CTSD: variants seen among roughly 807,000 people sequenced by gnomAD.
CTSD encodes the protein ceroid-lipofuscinosis, neuronal 10.
A neutral mutation model predicts 43.6 loss-of-function variants in CTSD; 28 were observed. The observed-to-expected ratio is 0.64, with a 90% CI of 0.48 to 0.88. The LOEUF (loss-of-function observed/expected upper bound fraction) is 0.88. CTSD is among the 40% of genes least tolerant of loss of function. The pLI, the probability that CTSD is intolerant of heterozygous loss-of-function variation, is 0.00. For missense variants in CTSD, 485 were observed against 555.2 expected (o/e 0.87, Z 1.27); for synonymous variants, 270 against 249.8 (o/e 1.08, Z -0.76).
rs1235200395 is a variant in CTSD at position 1,763,894 on chromosome 11, G to A, written c.-35C>T. On this transcript the variant is annotated 5_prime_UTR_variant, in exon 1 of 9. Transcript: ENST00000236671. Reference sequence around the variant, plus strand: ...GGCCGGGTCGGAGAGGGTCGCCGAGGCCGTGCGCTTATAGCCGGGATGACG... The same window carrying A: ...GGCCGGGTCGGAGAGGGTCGCCGAGACCGTGCGCTTATAGCCGGGATGACG... The A allele has an allele frequency of 6.6e-7, 1 of 1,510,000 alleles. No homozygotes were observed. Among genetic ancestry groups the A allele is most frequent in the Admixed American group, 2.0e-5 (1 of 49,300 alleles). 93.5% of individuals were successfully genotyped at this position (1,510,000 alleles called of 1,614,324 possible). A position where few individuals can be genotyped will look rare whatever the true frequency, so the allele number is the denominator to read the frequency against.
Position 1,754,130 on chromosome 11 carries a change from A to G in CTSD, c.836T>C (p.Val279Ala). The change falls in exon 7 of 9, where the codon GTG (valine) becomes GCG (alanine). Residue 279 changes from valine to alanine, a missense_variant. Transcript: ENST00000236671. ...CTTGCACAGGGTCAGCCCGCTGGCCACCTCCACCCTGCGGGGAGTCAGGGC... is the reference window on the plus strand; with the variant it reads ...CTTGCACAGGGTCAGCCCGCTGGCCGCCTCCACCCTGCGGGGAGTCAGGGC... The part of the protein sequence containing the change: ...YWQVHLDQVE[V>A]ASGLTLCKEG... 6.2e-7 allele frequency: 1 copy of G among 1,608,826 alleles called. No homozygotes were observed. Among genetic ancestry groups the G allele is most frequent in the Admixed American group, 1.7e-5 (1 of 59,928 alleles).
intron 1 of CTSD, chr11:1,763,551 T>C (rs1335790856): frequency 2.0e-6 from 1 of 503,876 alleles, no homozygotes; most frequent in Non-Finnish European, 3.5e-6. Flanking sequence ...CAACCCAGGG[T>C]GGCATATGGG....
chr11:1,762,788 C>A (rs1845897968), intron 1 of CTSD, among the ~76,000 whole-genome samples: 1 of 152,192 alleles, frequency 6.6e-6, no homozygotes, highest in African/African-American at 2.4e-5. Context: ...CAGGCTCAGG[C>A]TTGTGGCTAC....
chr11:1,756,458 G>T (rs1040996044), intron 5 of CTSD, among the ~76,000 whole-genome samples: 1 of 152,212 alleles, frequency 6.6e-6, no homozygotes, highest in African/African-American at 2.4e-5. Context: ...AGCGATCCAA[G>T]GTTAGGGGTC....
chr11:1,758,530 G>T (rs1845836382), intron 4 of CTSD, among the ~76,000 whole-genome samples: 1 of 152,002 alleles, frequency 6.6e-6, no homozygotes. Flanking sequence ...GCCCTCCCAG[G>T]CTCCTGCCGG....
chr11:1,754,490 A>AGAGGGATGTGGGGATGGAGGGATG (rs1845776615), intron 6 of CTSD, among the ~76,000 whole-genome samples: 3 of 34,406 alleles, frequency 8.7e-5, no homozygotes, highest in East Asian at 1.9e-3. Flanking sequence ...GGAGAGTCAC[A>AGAGGGATGTGGGGATGGAGGGATG]GAGGGATGTG....
Position 1,755,011 on chromosome 11 carries a change from G to C in CTSD, c.722C>G (p.Pro241Arg). The change falls in exon 6 of 9, where the codon CCT becomes CGT. Residue 241 changes from proline to arginine, a missense_variant. Coordinates refer to ENST00000236671, the MANE Select transcript of CTSD (RefSeq NM_001909.5). ...GCCACCCAGCATCAGCTCACCCCCAGGCTGCGCATCTGGGTCCCTAGGAGG... is the reference window on the plus strand; with the variant it reads ...GCCACCCAGCATCAGCTCACCCCCACGCTGCGCATCTGGGTCCCTAGGAGG... ...FYLSRDPDAQPGGELMLGGTD... is the reference protein window; with the variant it reads ...FYLSRDPDAQRGGELMLGGTD... The C allele has an allele frequency of 6.2e-7, 1 of 1,613,902 alleles. No homozygotes were observed.
At chr11:1,760,121 C>A (rs1198341626) in intron 2 of CTSD, among the ~76,000 whole-genome samples, 1 of 152,186 alleles carries the variant, frequency 6.6e-6, no homozygotes, top group African/African-American at 2.4e-5. Flanking sequence ...CCTGCCCTGC[C>A]CTCCAGGGTG....
chr11:1,761,810 C>G, intron 1 of CTSD: 1 of 409,880 alleles, frequency 2.4e-6, no homozygotes, highest in South Asian at 2.1e-5. Flanking sequence ...CGTCCTCCCT[C>G]TGCACCTGCG....
intron 1 of CTSD, among the ~76,000 whole-genome samples, chr11:1,763,320 C>A (rs1161696493): frequency 6.6e-6 from 1 of 152,184 alleles, no homozygotes; most frequent in East Asian, 1.9e-4. Context: ...GTGATAAGAG[C>A]CGCTGGAGCA....
chr11:1,761,238 G>C (rs1420534016), intron 2 of CTSD, 71 bp downstream of exon 2: 1 of 1,561,826 alleles, frequency 6.4e-7, no homozygotes, highest in Non-Finnish European at 8.8e-7. Context: ...AGGTGGGAAT[G>C]TTCCCCATAC....
rs2133661989 is a variant in CTSD at position 1,757,412 on chromosome 11, T to C, written c.616A>G (p.Ile206Val). ...ACGGGCAGCACGTTGTTGACGGAGATGCGGGGGTAGGCCATGCCCAGGATG... is the reference window on the plus strand; with the variant it reads ...ACGGGCAGCACGTTGTTGACGGAGACGCGGGGGTAGGCCATGCCCAGGATG... ...DGILGMAYPR[I>V]SVNNVLPVFD... Residue 206 changes from isoleucine to valine, a missense_variant, in exon 5 of 9, where the codon ATC (isoleucine) becomes GTC (valine). Physicochemically the swap from Ile to Val is conservative, Grantham distance 29 (BLOSUM62 3). Coordinates refer to ENST00000236671, the MANE Select transcript of CTSD (RefSeq NM_001909.5). 6.2e-7 allele frequency: 1 copy of C among 1,614,136 alleles called. No homozygotes were observed. Among genetic ancestry groups the C allele is most frequent in the South Asian group, 1.1e-5 (1 of 91,086 alleles).
Position 1,754,049 on chromosome 11 carries a change from T to C in CTSD, c.917A>G (p.Asp306Gly), listed in dbSNP as rs1410064126. 1 of 1,586,560 alleles carries C rather than the reference T, an allele frequency of 6.3e-7. No homozygotes were observed. Among genetic ancestry groups the C allele is most frequent in the Non-Finnish European group, 8.6e-7 (1 of 1,165,170 alleles). The change falls in exon 7 of 9, where the codon GAT becomes GGT. Residue 306 changes from aspartate (D) to glycine (G), a missense_variant. Coordinates refer to ENST00000236671, the MANE Select transcript of CTSD (RefSeq NM_001909.5). ...TGTSLMVGPVDEVRELQKAIG... is the reference protein window; with the variant it reads ...TGTSLMVGPVGEVRELQKAIG... Reference sequence around the variant, plus strand: ...GGCCTTCTGCAGCTCGCGCACCTCATCCACCGGGCCCACCATGAGGGAAGT... The same window carrying C: ...GGCCTTCTGCAGCTCGCGCACCTCACCCACCGGGCCCACCATGAGGGAAGT...
chr11:1,758,329 G>A (rs531611953), intron 4 of CTSD, among the ~76,000 whole-genome samples: 5 of 152,194 alleles, frequency 3.3e-5, no homozygotes, highest in African/African-American at 9.6e-5. Flanking sequence ...TCACCATCCC[G>A]TAACTCCTGA....
rs920330113 is a variant in CTSD at position 1,758,845 on chromosome 11, G to A, written c.471+124C>T. On this transcript the variant is annotated intron_variant, in intron 4 of 8. Coordinates refer to ENST00000236671, the MANE Select transcript of CTSD (RefSeq NM_001909.5). ...CCCTCCTCACCCTGCTGACTGCCCC[G>A]GCCACCTGAGGGCTGGGGTTGGGCT... 3.8e-5 allele frequency: 30 copies of A among 793,270 alleles called. No individual in the cohort carries two copies. The Middle Eastern group carries it at 7.1e-4, about 19-fold the overall frequency. 49.1% of individuals were successfully genotyped at this position (793,270 alleles called of 1,614,324 possible). A position where few individuals can be genotyped will look rare whatever the true frequency, so the allele number is the denominator to read the frequency against.
At position 1,757,447 on chromosome 11, in the gene CTSD, T is replaced by C. The variant is rs948059177; in HGVS notation, c.581A>G (p.Lys194Arg). The change falls in exon 5 of 9, where the codon AAG (lysine) becomes AGG (arginine). Residue 194 changes from lysine to arginine, a missense_variant. By Grantham distance (26) the Lys-to-Arg change is conservative (BLOSUM62 2). Transcript: ENST00000236671. ...KQPGITFIAA[K>R]FDGILGMAYP... ...GGCCATGCCCAGGATGCCATCGAAC[T>C]TGGCTGCGATGAAGGTGATGCCTGG... 5 of 1,613,998 alleles carry C rather than the reference T, an allele frequency of 3.1e-6. No individual in the cohort carries two copies. Among genetic ancestry groups the C allele is most frequent in the South Asian group, 2.2e-5 (2 of 91,082 alleles).
In CTSD at chr11:1,757,442, C is replaced by T. The variant is rs1388675826; in HGVS notation, c.586G>A (p.Asp196Asn). 4.3e-6 allele frequency: 7 copies of T among 1,614,126 alleles called. No individual in the cohort carries two copies. Among genetic ancestry groups the T allele is most frequent in the East Asian group, 4.5e-5 (2 of 44,866 alleles). Residue 196 changes from aspartate to asparagine, a missense_variant, in exon 5 of 9, where the codon GAT becomes AAT. Physicochemically the swap from Asp to Asn is conservative, Grantham distance 23 (BLOSUM62 1). Transcript: ENST00000236671. ...GGGTAGGCCATGCCCAGGATGCCAT[C>T]GAACTTGGCTGCGATGAAGGTGATG... ...PGITFIAAKF[D>N]GILGMAYPRI...
chr11:1,753,892 G>A lies in CTSD; in HGVS notation c.982C>T (p.Pro328Ser), dbSNP rs796052397. ...VPLIQGEYMI[P>S]CEKVSTLPAI... ...GGCAGGGTGGACACCTTCTCACAGG[G>A]GATCATGTACTAAGAGGGGTCACAG... The change falls in exon 8 of 9, where the codon CCC (proline) becomes TCC (serine). Residue 328 changes from proline to serine, a missense_variant. Transcript: ENST00000236671. 1 of 1,613,456 alleles carries A rather than the reference G, an allele frequency of 6.2e-7. No individual in the cohort carries two copies. Among genetic ancestry groups the A allele is most frequent in the Non-Finnish European group, 8.5e-7 (1 of 1,179,618 alleles).
chr11:1,755,516 C>T (rs547792662), intron 5 of CTSD, among the ~76,000 whole-genome samples: 44 of 152,318 alleles, frequency 2.9e-4, no homozygotes, highest in East Asian at 1.3e-3. Flanking sequence ...CCCCGAGCCA[C>T]GTCCGCTCAT....
Sources: allele counts gnomAD v4.1 joint callset (sites outside exome capture counted in the v4.1 genomes callset), GRCh38; gene constraint gnomAD v4.1.1; transcripts MANE v1.5; gene names NCBI Gene and HGNC (gene_info 2026-07-23, HGNC 2026-07-21).